NPLOC4: variants seen among roughly 807,000 people sequenced by gnomAD.
NPLOC4 encodes NPL4 homolog, ubiquitin recognition factor.
NPLOC4 carries 18 observed loss-of-function variants against 80.6 expected under a neutral mutation model. That is an observed-to-expected ratio of 0.22 (90% CI 0.15 to 0.33). The LOEUF is 0.33. NPLOC4 is among the 10% of genes least tolerant of loss of function. The pLI is 1.00. For missense variants in NPLOC4, 540 were observed against 786.1 expected (o/e 0.69, Z 3.74); for synonymous variants, 313 against 301.5 (o/e 1.04, Z -0.39).
chr17:81,581,059 AAC>A, intron 12 of NPLOC4, among the ~76,000 whole-genome samples: 1 of 152,280 alleles, frequency 6.6e-6, no homozygotes, highest in Admixed American at 6.5e-5. Context: ...GAGATTTTAA[AAC>A]ACAGTAAGGC....
chr17:81,636,363 G>T (rs1213510892), intron 1 of NPLOC4: 1 of 152,314 alleles, frequency 6.6e-6, no homozygotes, highest in Non-Finnish European at 1.5e-5. Context: ...CAAGTAAGGA[G>T]CAAAGCCGGC....
intron 4 of NPLOC4, among the ~76,000 whole-genome samples, chr17:81,612,012 G>A (rs1052395468): frequency 6.6e-5 from 10 of 151,318 alleles, no homozygotes; most frequent in Non-Finnish European, 1.5e-4. Flanking sequence ...AAGCTGGTAC[G>A]TGAACATGGC....
chr17:81,574,095 A>G (rs1435236114), intron 12 of NPLOC4, among the ~76,000 whole-genome samples: 1 of 152,248 alleles, frequency 6.6e-6, no homozygotes, highest in Non-Finnish European at 1.5e-5. Context: ...ATCCAGTCAA[A>G]CTAAATCACC....
chr17:81,616,030 A>T (rs542143880), intron 3 of NPLOC4, among the ~76,000 whole-genome samples: 1 of 152,226 alleles, frequency 6.6e-6, no homozygotes, highest in South Asian at 2.1e-4. Flanking sequence ...AAAAGCTGCT[A>T]AATCTGGGCC....
rs530286668 is a variant in NPLOC4, at chr17:81,568,989, T to A, written c.1449+27A>T. ...GATAACAATCAGCAGTTACCTTAAATTATGTTTCTAAAGACAAAGAGCTCA... is the reference window on the plus strand; with the variant it reads ...GATAACAATCAGCAGTTACCTTAAAATATGTTTCTAAAGACAAAGAGCTCA... On this transcript the variant is annotated intron_variant, in intron 14 of 16. Transcript: ENST00000331134. 1.0e-5 allele frequency: 14 copies of A among 1,394,266 alleles called. No homozygotes were observed. The East Asian group carries it at 2.7e-4, about 27-fold the overall frequency. The allele number at this position is 1,394,266 out of a possible 1,614,324, so 86.4% of individuals were successfully genotyped here.
chr17:81,594,164 A>T (rs1250955718), intron 11 of NPLOC4, among the ~76,000 whole-genome samples: 1 of 150,424 alleles, frequency 6.6e-6, no homozygotes, highest in Admixed American at 6.7e-5. Flanking sequence ...AGTCCCAGCT[A>T]CTCGGGAGGC....
chr17:81,628,223 A>G (rs1191538510), intron 2 of NPLOC4, among the ~76,000 whole-genome samples: 5 of 125,346 alleles, frequency 4.0e-5, no homozygotes, highest in Admixed American at 2.5e-4. Context: ...AAAAAAAAAA[A>G]GAAAAAAAAA....
intron 11 of NPLOC4, among the ~76,000 whole-genome samples, chr17:81,595,669 T>G (rs2034890654): frequency 1.3e-5 from 2 of 151,570 alleles, no homozygotes; most frequent in African/African-American, 4.8e-5. Context: ...CTCAGCTCCT[T>G]GAGTAGCTGG....
chr17:81,586,120 G>A (rs2034576543), intron 12 of NPLOC4, among the ~76,000 whole-genome samples: 1 of 152,118 alleles, frequency 6.6e-6, no homozygotes, highest in South Asian at 2.1e-4. Flanking sequence ...GGGAGGAAGG[G>A]GAGGCAGGGG....
chr17:81,576,462 G>A (rs2034304008), intron 12 of NPLOC4, among the ~76,000 whole-genome samples: 3 of 152,140 alleles, frequency 2.0e-5, no homozygotes, highest in South Asian at 4.1e-4. Context: ...TCCACTTTGG[G>A]GCGTGAGTGC....
At chr17:81,600,281 G>A (rs2144195612) in intron 9 of NPLOC4, 60 bp downstream of exon 9, 1 of 1,249,900 alleles carries the variant, frequency 8.0e-7, no homozygotes, top group Middle Eastern at 2.4e-4. Flanking sequence ...ACTCCCCCTG[G>A]CCTGGATGCC....
chr17:81,582,546 C>T (rs1199067937), intron 12 of NPLOC4, among the ~76,000 whole-genome samples: 3 of 152,166 alleles, frequency 2.0e-5, no homozygotes, highest in Admixed American at 2.0e-4. Flanking sequence ...GGACCACAGG[C>T]TCATGACACA....
Position 81,558,729 on chromosome 17 carries a change from C to G in NPLOC4, c.*530G>C, listed in dbSNP as rs116111249. The G allele has an allele frequency of 6.6e-6, 1 of 152,440 alleles. No homozygotes were observed. The highest frequency in any genetic ancestry group is 2.4e-5 in the African/African-American group (1 of 41,430). 9.4% of individuals were successfully genotyped at this position (152,440 alleles called of 1,614,324 possible). A position where few individuals can be genotyped will look rare whatever the true frequency, so the allele number is the denominator to read the frequency against. ...GACCTGCAGACCTGCAGAGGGGAGC[C>G]GTGTCCAGGGCCACTGCGTCCCCAC... is the stretch of plus-strand genomic sequence containing the variant. On this transcript the variant is annotated 3_prime_UTR_variant, in exon 17 of 17. Transcript: ENST00000331134.
chr17:81,631,443 T>G (rs1336926748), intron 1 of NPLOC4, among the ~76,000 whole-genome samples: 1 of 65,230 alleles, frequency 1.5e-5, no homozygotes, highest in Non-Finnish European at 2.7e-5. Flanking sequence ...TATATTTTTT[T>G]TTTTTTTTTT....
chr17:81,583,033 C>T (rs1350977926), intron 12 of NPLOC4, among the ~76,000 whole-genome samples: 2 of 152,294 alleles, frequency 1.3e-5, no homozygotes, highest in East Asian at 1.9e-4. Context: ...AGCACAGCAG[C>T]CACTGCCACG....
intron 11 of NPLOC4, among the ~76,000 whole-genome samples, chr17:81,595,025 A>G (rs561263453): frequency 6.6e-6 from 1 of 151,958 alleles, no homozygotes; most frequent in Admixed American, 6.5e-5. Flanking sequence ...CTTCGCAGTC[A>G]GCTTGAACAC....
In NPLOC4 at chr17:81,629,121, G is replaced by A. The variant is rs865894538; in HGVS notation, c.96+604C>T. ...TCTCAATCTCCTGACCTTGTGATCC[G>A]CCCGCCTCGGCCTCCCAAAGTGCTG... On this transcript the variant is annotated intron_variant, in intron 2 of 16. Transcript: ENST00000331134. Among the ~76,000 whole-genome samples the A allele has an allele frequency of 1.4e-4, 21 of 150,576 alleles. No homozygotes were observed. In the East Asian group the frequency reaches 1.6e-3, roughly 11 times the overall value.
intron 3 of NPLOC4, among the ~76,000 whole-genome samples, chr17:81,618,696 G>A (rs2035579805): frequency 6.6e-6 from 1 of 151,740 alleles, no homozygotes; most frequent in African/African-American, 2.4e-5. Flanking sequence ...CACCCCGTCT[G>A]GGAGGTGTAC....
intron 13 of NPLOC4, 66 bp downstream of exon 13, chr17:81,571,951 C>G: frequency 8.1e-7 from 1 of 1,233,770 alleles, no homozygotes; most frequent in Non-Finnish European, 1.1e-6. Flanking sequence ...AGCCACCACC[C>G]AGCAGTCCCA....
Sources: gnomAD v4.1 joint callset for allele counts (sites outside exome capture counted in the v4.1 genomes callset) on GRCh38, gnomAD v4.1.1 for gene constraint, MANE v1.5 for transcripts, NCBI Gene and HGNC (gene_info 2026-07-23, HGNC 2026-07-21) for gene names.